Variants in NEK10 observed in about 807,000 individuals in gnomAD.
The protein encoded by NEK10 is serine/threonine-protein kinase Nek10.
A neutral mutation model predicts 159.8 loss-of-function variants in NEK10; 122 were observed. The ratio of observed to expected loss-of-function variants is 0.76; its 90% CI spans 0.66 to 0.89. NEK10 has a LOEUF of 0.89. Ranked by LOEUF, NEK10 falls within the 40% of genes least tolerant of loss-of-function variation. NEK10 has a pLI of 0.00. For synonymous variants in NEK10, 466 were observed against 457.1 expected (o/e 1.02, Z -0.25); for missense variants, 1,342 against 1,323.1 (o/e 1.01, Z -0.22).
chr3:27,256,193 C>A (rs12494667), intron 23 of NEK10, 103 bp downstream of exon 23: 125,440 of 514,876 alleles, frequency 0.24, 16,304 homozygotes, highest in Middle Eastern at 0.39. Context: ...ATAAAATAAG[C>A]TTTCTTTCCT....
rs142926059 is a variant in NEK10 at position 27,335,166 on chromosome 3, C to T, written c.362+9106G>A. ...CCAGCCTGGCCAACATGGTGAAGCT[C>T]CCTCTCTACTAAAAACTACAAAAAT... On this transcript the variant is annotated intron_variant, in intron 5 of 35. Transcript: ENST00000691995. Among the ~76,000 whole-genome samples, 40 of 152,008 alleles carry T rather than the reference C, an allele frequency of 2.6e-4. No homozygotes were observed. In the East Asian group the frequency reaches 7.4e-3, roughly 28 times the overall value.
At chr3:27,279,390 A>G (rs1247626815) in intron 22 of NEK10, among the ~76,000 whole-genome samples, 3 of 152,204 alleles carry the variant, frequency 2.0e-5, no homozygotes, top group Non-Finnish European at 4.4e-5. Flanking sequence ...ATGCTTTCAC[A>G]CCCACAGCAG....
intron 6 of NEK10, among the ~76,000 whole-genome samples, chr3:27,321,874 G>A: frequency 6.6e-6 from 1 of 152,194 alleles, no homozygotes; most frequent in Non-Finnish European, 1.5e-5. Context: ...GTGGCCAAGT[G>A]TATACCTCCT....
chr3:27,123,768 G>A (rs143443192), intron 32 of NEK10, among the ~76,000 whole-genome samples: 1 of 152,152 alleles, frequency 6.6e-6, no homozygotes, highest in African/African-American at 2.4e-5. Context: ...TGACATTTAT[G>A]CCAAGAGCTG....
At chr3:27,211,863 A>T (rs1951035780) in intron 23 of NEK10, among the ~76,000 whole-genome samples, 1 of 152,220 alleles carries the variant, frequency 6.6e-6, no homozygotes, top group African/African-American at 2.4e-5. Flanking sequence ...TGAAGAAAAC[A>T]GACTATTTTT....
At chr3:27,185,567 G>A (rs1211485188) in intron 26 of NEK10, among the ~76,000 whole-genome samples, 1 of 152,138 alleles carries the variant, frequency 6.6e-6, no homozygotes, top group Non-Finnish European at 1.5e-5. Flanking sequence ...TGTTCCTCCT[G>A]CCAACCATCC....
intron 7 of NEK10, among the ~76,000 whole-genome samples, chr3:27,312,585 C>G (rs898747047): frequency 1.3e-5 from 2 of 151,984 alleles, no homozygotes; most frequent in Admixed American, 6.6e-5. Flanking sequence ...ATTTTACTGA[C>G]GTATATAAGC....
intron 5 of NEK10, among the ~76,000 whole-genome samples, chr3:27,335,814 A>G (rs2046763511): frequency 6.6e-6 from 1 of 150,572 alleles, no homozygotes; most frequent in African/African-American, 2.4e-5. Flanking sequence ...CTTGAAACAA[A>G]TGAATGTGGA....
chr3:27,283,472 T>C (rs1014093092), intron 22 of NEK10, among the ~76,000 whole-genome samples: 5 of 152,200 alleles, frequency 3.3e-5, no homozygotes, highest in Non-Finnish European at 7.3e-5. Context: ...CCTATGTATA[T>C]TGGCAGTGTA....
chr3:27,182,890 G>A (rs1010570262), intron 26 of NEK10, among the ~76,000 whole-genome samples: 2 of 151,980 alleles, frequency 1.3e-5, no homozygotes, highest in Non-Finnish European at 2.9e-5. Context: ...AATTCATGGA[G>A]ATAAAGAGTG....
intron 23 of NEK10, chr3:27,215,852 C>T (rs1222600954): frequency 2.8e-6 from 2 of 717,114 alleles, no homozygotes; most frequent in Admixed American, 4.0e-5. Context: ...AGAGCAGGAG[C>T]AGGAGAGCGA....
chr3:27,221,870 C>A (rs1157620366), intron 23 of NEK10, among the ~76,000 whole-genome samples: 1 of 152,178 alleles, frequency 6.6e-6, no homozygotes, highest in Non-Finnish European at 1.5e-5. Flanking sequence ...CCAGTTGAGA[C>A]CTCCTTAGGG....
chr3:27,262,808 G>T (rs926992229), intron 22 of NEK10, among the ~76,000 whole-genome samples: 1 of 151,838 alleles, frequency 6.6e-6, no homozygotes. Flanking sequence ...TAGTTTGATC[G>T]TCTGAAGCCT....
intron 23 of NEK10, among the ~76,000 whole-genome samples, chr3:27,246,171 A>T (rs983515486): frequency 1.4e-4 from 22 of 152,294 alleles, no homozygotes; most frequent in Admixed American, 1.2e-3. Context: ...AACAAATCAG[A>T]CTGAAAAATG....
intron 9 of NEK10, chr3:27,310,325 T>C (rs1347112452): frequency 6.6e-6 from 1 of 152,218 alleles, no homozygotes; most frequent in East Asian, 1.9e-4. Context: ...AGCTGGCTAC[T>C]GAAACAAAAA....
At chr3:27,314,522 A>G (rs1397821039) in intron 6 of NEK10, among the ~76,000 whole-genome samples, 184 bp from the exon 7 acceptor site, 5 of 152,174 alleles carry the variant, frequency 3.3e-5, no homozygotes, top group Non-Finnish European at 7.3e-5. Context: ...AACTATTAAT[A>G]AATATGAAAG....
chr3:27,299,487 G>A (rs1220250569), intron 13 of NEK10, among the ~76,000 whole-genome samples: 1 of 152,226 alleles, frequency 6.6e-6, no homozygotes, highest in Non-Finnish European at 1.5e-5. Context: ...AGTTCAGAAG[G>A]GAAATGTGGG....
chr3:27,122,902 A>G (rs1046991926), intron 32 of NEK10, among the ~76,000 whole-genome samples: 1 of 152,096 alleles, frequency 6.6e-6, no homozygotes, highest in African/African-American at 2.4e-5. Context: ...TCCAGTGCTT[A>G]TGTCACACTG....
intron 3 of NEK10, among the ~76,000 whole-genome samples, chr3:27,349,239 G>C (rs886910611): frequency 1.3e-5 from 2 of 152,044 alleles, no homozygotes; most frequent in African/African-American, 4.8e-5. Context: ...GAATAGAAAT[G>C]TCTAGTCACC....
Sources: allele counts gnomAD v4.1 joint callset (sites outside exome capture counted in the v4.1 genomes callset), GRCh38; gene constraint gnomAD v4.1.1; transcripts MANE v1.5; gene names NCBI Gene and HGNC (gene_info 2026-07-23, HGNC 2026-07-21).